Variants in ARHGAP26 observed in about 807,000 individuals in gnomAD.
The protein encoded by ARHGAP26 is Rho GTPase activating protein 26.
Under a neutral mutation model 104.8 loss-of-function variants are expected in ARHGAP26, and 38 were observed. That is an observed-to-expected ratio of 0.36 (90% CI 0.28 to 0.48). ARHGAP26 has a LOEUF of 0.48. ARHGAP26 is among the 20% of genes least tolerant of loss of function. The pLI is 0.99. For missense variants in ARHGAP26, 704 were observed against 947.9 expected, an observed-to-expected ratio of 0.74 and a Z score of 3.38; for synonymous variants, 341 against 340.0, an observed-to-expected ratio of 1.00 and a Z score of -0.03.
intron 17 of ARHGAP26, among the ~76,000 whole-genome samples, chr5:143,114,634 T>A (rs11740100): frequency 1.3e-5 from 2 of 152,104 alleles, no homozygotes; most frequent in South Asian, 2.1e-4. Context: ...TGCAGCTTAG[T>A]TACCCACCCA....
intron 11 of ARHGAP26, among the ~76,000 whole-genome samples, chr5:142,974,645 T>G (rs944152086): frequency 1.3e-5 from 2 of 152,238 alleles, no homozygotes; most frequent in African/African-American, 2.4e-5. Flanking sequence ...TCCTCCACAT[T>G]CAAGCCTTCT....
chr5:142,797,813 G>T (rs1312626365), intron 1 of ARHGAP26, among the ~76,000 whole-genome samples: 1 of 152,204 alleles, frequency 6.6e-6, no homozygotes, highest in East Asian at 1.9e-4. Flanking sequence ...CACTCTGTTG[G>T]GGGAGTGCTT....
intron 11 of ARHGAP26, among the ~76,000 whole-genome samples, chr5:143,009,019 T>C (rs1224989058): frequency 1.3e-5 from 2 of 152,170 alleles, no homozygotes; most frequent in Non-Finnish European, 2.9e-5. Context: ...TTGCAGCTTC[T>C]GGGTAAGGAC....
intron 11 of ARHGAP26, among the ~76,000 whole-genome samples, chr5:142,941,228 C>T (rs1358730262): frequency 2.0e-5 from 3 of 151,914 alleles, no homozygotes; most frequent in Non-Finnish European, 4.4e-5. Context: ...CTCCCATCTG[C>T]AGTGTAAATT....
chr5:142,824,370 C>T (rs1766796067), intron 1 of ARHGAP26, among the ~76,000 whole-genome samples: 1 of 152,180 alleles, frequency 6.6e-6, no homozygotes, highest in South Asian at 2.1e-4. Context: ...TCAAACACCA[C>T]ACCCTGGTTC....
chr5:142,890,151 AATAT>A (rs752591382), intron 5 of ARHGAP26, among the ~76,000 whole-genome samples: 481 of 32,230 alleles, frequency 0.015, 6 homozygotes, highest in Middle Eastern at 0.11. Flanking sequence ...AAAAAAAAAA[AATAT>A]ATATATATAT....
chr5:142,807,575 C>T (rs898119646), intron 1 of ARHGAP26, among the ~76,000 whole-genome samples: 1 of 152,196 alleles, frequency 6.6e-6, no homozygotes, highest in African/African-American at 2.4e-5. Flanking sequence ...TTATTGCTGC[C>T]CCTCTGTCTA....
chr5:143,093,492 T>C (rs1791761975), intron 17 of ARHGAP26, among the ~76,000 whole-genome samples: 1 of 149,844 alleles, frequency 6.7e-6, no homozygotes, highest in Non-Finnish European at 1.5e-5. Flanking sequence ...TCTTTACTAT[T>C]TCTATCTCTC....
intron 11 of ARHGAP26, among the ~76,000 whole-genome samples, chr5:142,954,307 G>A (rs548736417): frequency 2.7e-4 from 41 of 152,232 alleles, no homozygotes; most frequent in Middle Eastern, 3.4e-3. Context: ...CTCTGCTCCC[G>A]TGGTCAGAAT....
At chr5:142,813,479 AG>A (rs916196616) in intron 1 of ARHGAP26, among the ~76,000 whole-genome samples, 1 of 152,184 alleles carries the variant, frequency 6.6e-6, no homozygotes. Flanking sequence ...TGACTTGGAC[AG>A]TGTGTGTATT....
At chr5:142,826,203 G>A (rs1287776016) in intron 1 of ARHGAP26, among the ~76,000 whole-genome samples, 2 of 152,198 alleles carry the variant, frequency 1.3e-5, no homozygotes. Context: ...ATGAACTGAT[G>A]CTTCGTCTGT....
At chr5:142,886,103 G>A (rs1757661390) in intron 5 of ARHGAP26, among the ~76,000 whole-genome samples, 1 of 152,152 alleles carries the variant, frequency 6.6e-6, no homozygotes, top group South Asian at 2.1e-4. Flanking sequence ...TATGCTTCTT[G>A]GAGATAGGGA....
intron 1 of ARHGAP26, among the ~76,000 whole-genome samples, chr5:142,818,644 A>C (rs1221384212): frequency 1.3e-5 from 2 of 152,186 alleles, no homozygotes; most frequent in Non-Finnish European, 2.9e-5. Flanking sequence ...TCATGTATAA[A>C]ATGAGGAAAA....
chr5:143,054,341 T>G, intron 14 of ARHGAP26, 98 bp from the exon 15 acceptor site: 1 of 714,004 alleles, frequency 1.4e-6, no homozygotes, highest in Non-Finnish European at 2.2e-6. Flanking sequence ...TTACTTTGCA[T>G]TTCTCTAGTT....
intron 20 of ARHGAP26, among the ~76,000 whole-genome samples, chr5:143,162,312 C>T (rs1032983898): frequency 4.6e-5 from 7 of 151,416 alleles, no homozygotes; most frequent in Admixed American, 4.6e-4. Context: ...CACACACACA[C>T]GCAATCCCCT....
chr5:142,971,373 C>T (rs1418195416), intron 11 of ARHGAP26, among the ~76,000 whole-genome samples: 1 of 152,156 alleles, frequency 6.6e-6, no homozygotes. Flanking sequence ...TTCCAGGTGC[C>T]TAGAACTTGA....
chr5:142,786,869 A>G (rs1446488587), intron 1 of ARHGAP26, among the ~76,000 whole-genome samples: 2 of 150,692 alleles, frequency 1.3e-5, no homozygotes, highest in Non-Finnish European at 3.0e-5. Context: ...CTGGTCTTGA[A>G]CTCCTGACCT....
intron 1 of ARHGAP26, among the ~76,000 whole-genome samples, chr5:142,864,346 C>A (rs767756869): frequency 3.3e-5 from 5 of 152,170 alleles, no homozygotes; most frequent in Non-Finnish European, 5.9e-5. Flanking sequence ...TTAAAAGGCA[C>A]GACTTGAGCT....
chr5:143,133,257 T>A (rs1797561832), intron 18 of ARHGAP26, among the ~76,000 whole-genome samples: 1 of 152,214 alleles, frequency 6.6e-6, no homozygotes, highest in Non-Finnish European at 1.5e-5. Context: ...ACCTAAATGC[T>A]AACAGTGGTT....
Sources: allele counts gnomAD v4.1 joint callset (sites outside exome capture counted in the v4.1 genomes callset), GRCh38; gene constraint gnomAD v4.1.1; transcripts MANE v1.5; gene names NCBI Gene and HGNC (gene_info 2026-07-23, HGNC 2026-07-21).